Variants in ACOXL observed in about 807,000 individuals in gnomAD.
The protein encoded by ACOXL is acyl-CoA oxidase like.
A neutral mutation model predicts 71.9 loss-of-function variants in ACOXL; 70 were observed. The observed-to-expected ratio is 0.97, with a 90% CI of 0.80 to 1.19. ACOXL has a LOEUF of 1.19. Among genes scored for constraint, ACOXL ranks in the 50% most tolerant of loss-of-function variants. The pLI, the probability that ACOXL is intolerant of heterozygous loss-of-function variation, is 0.00. For missense variants in ACOXL, 703 were observed against 736.3 expected, an observed-to-expected ratio of 0.95 and a Z score of 0.52; for synonymous variants, 253 against 281.6, an observed-to-expected ratio of 0.90 and a Z score of 1.02.
chr2:111,088,584 G>T (rs1468973312), intron 16 of ACOXL, among the ~76,000 whole-genome samples: 1 of 152,076 alleles, frequency 6.6e-6, no homozygotes, highest in Non-Finnish European at 1.5e-5. Flanking sequence ...TAAATAATGA[G>T]AACACATGGA....
chr2:110,847,269 G>A (rs752517212), intron 10 of ACOXL, among the ~76,000 whole-genome samples: 1 of 152,146 alleles, frequency 6.6e-6, no homozygotes, highest in East Asian at 1.9e-4. Flanking sequence ...GAAGAAGGCT[G>A]CTCCCTCCTG....
chr2:110,739,581 G>A (rs1677258992), intron 1 of ACOXL, among the ~76,000 whole-genome samples: 1 of 152,240 alleles, frequency 6.6e-6, no homozygotes, highest in Admixed American at 6.5e-5. Flanking sequence ...CTCTCACTGA[G>A]GGGTCTCCTA....
intron 10 of ACOXL, among the ~76,000 whole-genome samples, chr2:110,866,670 G>A (rs1178899721): frequency 6.6e-6 from 1 of 152,088 alleles, no homozygotes; most frequent in Non-Finnish European, 1.5e-5. Flanking sequence ...AGAGGTGAAA[G>A]TCTTTGAATG....
intron 12 of ACOXL, among the ~76,000 whole-genome samples, chr2:110,980,640 C>T (rs951946147): frequency 6.6e-6 from 1 of 152,158 alleles, no homozygotes; most frequent in Non-Finnish European, 1.5e-5. Context: ...TGAGTCTCCA[C>T]GCTGGGCTCC....
At chr2:111,004,093 CCAAA>C (rs2063765488) in intron 14 of ACOXL, among the ~76,000 whole-genome samples, 1 of 152,066 alleles carries the variant, frequency 6.6e-6, no homozygotes, top group Admixed American at 6.6e-5. Flanking sequence ...AACATCTGAC[CCAAA>C]CAGAGTCTGG....
At chr2:110,899,056 CACA>C (rs1390221618) in intron 10 of ACOXL, among the ~76,000 whole-genome samples, 1 of 152,108 alleles carries the variant, frequency 6.6e-6, no homozygotes, top group East Asian at 1.9e-4. Flanking sequence ...CTGAGAACAA[CACA>C]ACACTGATGA....
At chr2:110,793,588 A>G in intron 3 of ACOXL, 62 bp from the exon 4 acceptor site, 1 of 1,500,050 alleles carries the variant, frequency 6.7e-7, no homozygotes, top group African/African-American at 1.4e-5. Flanking sequence ...TTGGCCGTGG[A>G]TTTAATTGTC....
At chr2:110,929,780 A>G (rs2060413337) in intron 11 of ACOXL, among the ~76,000 whole-genome samples, 1 of 152,224 alleles carries the variant, frequency 6.6e-6, no homozygotes, top group South Asian at 2.1e-4. Flanking sequence ...AAAAGGGGCC[A>G]TGGTATAGCT....
At chr2:111,062,404 G>T (rs1222467633) in intron 16 of ACOXL, among the ~76,000 whole-genome samples, 2 of 152,056 alleles carry the variant, frequency 1.3e-5, no homozygotes, top group African/African-American at 4.8e-5. Context: ...CTCAACAATT[G>T]AGAGAACAAC....
intron 1 of ACOXL, among the ~76,000 whole-genome samples, chr2:110,762,109 G>A (rs2104917606): frequency 6.6e-6 from 1 of 152,162 alleles, no homozygotes; most frequent in African/African-American, 2.4e-5. Flanking sequence ...TATCTTTGGT[G>A]ATGTTCTTTT....
chr2:110,900,758 C>T (rs373088742), intron 10 of ACOXL, among the ~76,000 whole-genome samples: 7 of 152,298 alleles, frequency 4.6e-5, no homozygotes, highest in East Asian at 1.9e-4. Flanking sequence ...TGAACCATAG[C>T]GTGATGGGTT....
At chr2:110,760,873 AT>A (rs1378135058) in intron 1 of ACOXL, among the ~76,000 whole-genome samples, 1 of 152,160 alleles carries the variant, frequency 6.6e-6, no homozygotes, top group Non-Finnish European at 1.5e-5. Flanking sequence ...ATTTACCAAT[AT>A]TTTAATGGCC....
At chr2:110,855,121 G>A (rs920810244) in intron 10 of ACOXL, among the ~76,000 whole-genome samples, 3 of 152,150 alleles carry the variant, frequency 2.0e-5, no homozygotes, top group Non-Finnish European at 2.9e-5. Context: ...GAGGAAAATC[G>A]TTTCATCTTT....
chr2:110,920,842 A>G (rs2060040528), intron 11 of ACOXL, among the ~76,000 whole-genome samples: 1 of 152,130 alleles, frequency 6.6e-6, no homozygotes, highest in Non-Finnish European at 1.5e-5. Context: ...TCATTTATTT[A>G]GGTCTTCTTT....
intron 14 of ACOXL, among the ~76,000 whole-genome samples, chr2:111,014,446 A>G (rs758956018): frequency 1.3e-5 from 2 of 152,208 alleles, no homozygotes; most frequent in Non-Finnish European, 2.9e-5. Flanking sequence ...TACACTAAAG[A>G]CTACGTAACA....
At chr2:110,919,846 A>G (rs1032987957) in intron 11 of ACOXL, among the ~76,000 whole-genome samples, 3 of 152,220 alleles carry the variant, frequency 2.0e-5, no homozygotes, top group African/African-American at 7.2e-5. Context: ...TTCACTTAAC[A>G]AAATGAATTT....
At chr2:110,907,372 T>C (rs542678830) in intron 10 of ACOXL, among the ~76,000 whole-genome samples, 60 of 152,238 alleles carry the variant, frequency 3.9e-4, no homozygotes, top group Non-Finnish European at 7.2e-4. Context: ...ATGTGAATTC[T>C]GGGGCGACAC....
rs67285328 is a variant in ACOXL, at chr2:110,955,933, A to ATTT, written c.1059+22312_1059+22314dup. ...TTTTCCTTTCTGGAACTTGCCACAG[A>ATTT]TTTTTTTTTTTTTTTTTTTTTTTGA... is the stretch of plus-strand genomic sequence containing the variant. On this transcript the variant is annotated intron_variant, in intron 12 of 17. Coordinates refer to ENST00000439055, the MANE Select transcript of ACOXL (RefSeq NM_001142807.4). Among the ~76,000 whole-genome samples the ATTT allele has an allele frequency of 4.0e-3, 407 of 101,738 alleles. 4 individuals are homozygous for ATTT. Among genetic ancestry groups the ATTT allele is most frequent in the Middle Eastern group, 6.3e-3 (1 of 158 alleles). The allele number at this position is 101,738 out of a possible 152,430, so 66.7% of individuals were successfully genotyped here.
chr2:110,831,428 A>G (rs1689810646), intron 9 of ACOXL, among the ~76,000 whole-genome samples: 1 of 152,240 alleles, frequency 6.6e-6, no homozygotes, highest in Admixed American at 6.5e-5. Context: ...GCTGAAAATT[A>G]TATGATGATG....
Sources: gnomAD v4.1 joint callset for allele counts (sites outside exome capture counted in the v4.1 genomes callset) on GRCh38, gnomAD v4.1.1 for gene constraint, MANE v1.5 for transcripts, NCBI Gene and HGNC (gene_info 2026-07-23, HGNC 2026-07-21) for gene names.